PRTG: variants seen among roughly 807,000 people sequenced by gnomAD.
PRTG encodes the protein immunoglobulin superfamily, DCC subclass, member 5.
PRTG carries 67 observed loss-of-function variants against 122.5 expected under a neutral mutation model. The ratio of observed to expected loss-of-function variants is 0.55; its 90% CI spans 0.45 to 0.67. The LOEUF is 0.67. PRTG is among the 30% of genes least tolerant of loss of function. The pLI, the probability that PRTG is intolerant of heterozygous loss-of-function variation, is 0.00. For synonymous variants in PRTG, 554 were observed against 501.1 expected (o/e 1.11, Z -1.41); for missense variants, 1,435 against 1,415.4 (o/e 1.01, Z -0.22).
At chr15:55,739,958 G>A (rs1284644233) in intron 2 of PRTG, among the ~76,000 whole-genome samples, 6 of 152,224 alleles carry the variant, frequency 3.9e-5, no homozygotes, top group Non-Finnish European at 8.8e-5. Context: ...GGAAGCCTGT[G>A]CTATAAGAAA....
chr15:55,624,520 C>T lies in PRTG; in HGVS notation c.2928-13G>A. On this transcript the variant is annotated splice_polypyrimidine_tract_variant and intron_variant, in intron 17 of 19. Transcript: ENST00000389286. ...AGCAGATGATTTCCTAAAACATTGGCAAGAAGAGGAAGTCTTCTAATTTCA... is the reference window on the plus strand; with the variant it reads ...AGCAGATGATTTCCTAAAACATTGGTAAGAAGAGGAAGTCTTCTAATTTCA... 3 of 1,603,170 alleles carry T rather than the reference C, an allele frequency of 1.9e-6. No homozygotes were observed. Among genetic ancestry groups the T allele is most frequent in the Non-Finnish European group, 2.6e-6 (3 of 1,174,838 alleles).
At chr15:55,645,211 G>A (rs1014871016) in intron 11 of PRTG, among the ~76,000 whole-genome samples, 4 of 151,190 alleles carry the variant, frequency 2.6e-5, no homozygotes, top group African/African-American at 7.3e-5. Context: ...CGAGACGGGC[G>A]GATCACGAGG....
chr15:55,623,809 T>C (rs1028391775), intron 18 of PRTG, among the ~76,000 whole-genome samples: 4 of 152,206 alleles, frequency 2.6e-5, no homozygotes, highest in Non-Finnish European at 5.9e-5. Context: ...AGTAACTTCT[T>C]CCAATGGTGT....
rs2059160733 is a variant in PRTG at position 55,620,606 on chromosome 15, AATC to A, written c.3198+54_3198+56del. ...ATGAATTCACATTTTCCTCTTTTTA[AATC>A]ATCATTTCATATATCACGCATTGCC... On this transcript the variant is annotated intron_variant, in intron 19 of 19. Transcript: ENST00000389286. The A allele has an allele frequency of 9.1e-6, 14 of 1,534,146 alleles. 1 individual carries two copies. In the East Asian group the frequency reaches 1.1e-4, roughly 13 times the overall value.
chr15:55,683,056 C>T (rs28621834), intron 3 of PRTG, among the ~76,000 whole-genome samples: 3,681 of 152,248 alleles, frequency 0.024, 142 homozygotes, highest in African/African-American at 0.077. Context: ...TCGAATTTTA[C>T]AGAGTCTCAT....
At chr15:55,725,551 G>A (rs542225910) in intron 2 of PRTG, among the ~76,000 whole-genome samples, 15 of 151,706 alleles carry the variant, frequency 9.9e-5, no homozygotes, top group East Asian at 1.9e-4. Context: ...AGCCGTGATC[G>A]TGCTACTGCC....
At chr15:55,652,763 G>A (rs754364143) in intron 11 of PRTG, among the ~76,000 whole-genome samples, 1 of 152,134 alleles carries the variant, frequency 6.6e-6, no homozygotes, top group Non-Finnish European at 1.5e-5. Context: ...TTTGCACAAT[G>A]CGATCTGCCT....
chr15:55,735,718 T>TAAA (rs35182605), intron 2 of PRTG, among the ~76,000 whole-genome samples: 3,732 of 114,156 alleles, frequency 0.033, 91 homozygotes, highest in South Asian at 0.053. Flanking sequence ...CATGCTTTGC[T>TAAA]AAAAAAAAAA....
intron 11 of PRTG, among the ~76,000 whole-genome samples, chr15:55,653,133 T>C (rs895243634): frequency 6.6e-6 from 1 of 152,212 alleles, no homozygotes; most frequent in Admixed American, 6.5e-5. Context: ...TATAAATTTG[T>C]TGTATGATAA....
rs1436976903 is a variant in PRTG at position 55,740,651 on chromosome 15, T to C, written c.128A>G (p.Lys43Arg). 5 of 1,613,696 alleles carry C rather than the reference T, an allele frequency of 3.1e-6. No individual in the cohort carries two copies. The highest frequency in any genetic ancestry group is 2.7e-5 in the African/African-American group (2 of 74,814). The part of the protein sequence containing the change: ...VWCFSELSFV[K>R]EPQDVTVTRK... ...TGTGACAGTTACATCCTGTGGTTCTTTTACAAAAGACAGTTCGCTAAAGCA... is the reference window on the plus strand; with the variant it reads ...TGTGACAGTTACATCCTGTGGTTCTCTTACAAAAGACAGTTCGCTAAAGCA... Residue 43 changes from lysine (K) to arginine (R), a missense_variant, in exon 2 of 20, where the codon AAA (lysine) becomes AGA (arginine). Transcript: ENST00000389286.
Position 55,637,024 on chromosome 15 carries a change from G to T in PRTG, c.2623+146C>A, listed in dbSNP as rs766156766. On this transcript the variant is annotated intron_variant, in intron 15 of 19. Coordinates refer to ENST00000389286, the MANE Select transcript of PRTG (RefSeq NM_173814.6). ...TCTTAAAATTGGTGGATGGCTTCCC[G>T]ATGCCCTTTGAACAAAGCCAAAATC... 7.0e-6 allele frequency: 4 copies of T among 573,308 alleles called. No homozygotes were observed. In the East Asian group the frequency reaches 1.3e-4, roughly 18 times the overall value. 35.5% of individuals were successfully genotyped at this position (573,308 alleles called of 1,614,324 possible).
chr15:55,621,412 C>T (rs2059165490), intron 18 of PRTG, among the ~76,000 whole-genome samples: 1 of 151,646 alleles, frequency 6.6e-6, no homozygotes, highest in South Asian at 2.1e-4. Context: ...AATCCCAGTA[C>T]TTTGAGAGGC....
chr15:55,673,698 T>C, intron 9 of PRTG, 22 bp from the exon 10 acceptor site: 1 of 1,597,108 alleles, frequency 6.3e-7, no homozygotes, highest in African/African-American at 1.3e-5. Flanking sequence ...AGAAATCAGG[T>C]TGTTTATAAA....
chr15:55,736,051 A>G (rs1229777795), intron 2 of PRTG, among the ~76,000 whole-genome samples: 1 of 152,190 alleles, frequency 6.6e-6, no homozygotes, highest in Non-Finnish European at 1.5e-5. Context: ...GATCCCAGAA[A>G]ACATCAACTG....
chr15:55,629,375 ATGTGTGTG>A (rs59080250), intron 15 of PRTG, among the ~76,000 whole-genome samples: 863 of 47,760 alleles, frequency 0.018, 3 homozygotes, highest in Middle Eastern at 0.05. Context: ...ATATATATAT[ATGTGTGTG>A]TGTGTGTGTG....
intron 2 of PRTG, among the ~76,000 whole-genome samples, chr15:55,722,223 A>G (rs573326122): frequency 6.6e-6 from 1 of 152,334 alleles, no homozygotes; most frequent in South Asian, 2.1e-4. Flanking sequence ...TAAAAGTTGG[A>G]AGAAATACCA....
chr15:55,625,843 G>C (rs1299889113), intron 17 of PRTG, among the ~76,000 whole-genome samples: 1 of 151,940 alleles, frequency 6.6e-6, no homozygotes, highest in Non-Finnish European at 1.5e-5. Flanking sequence ...GGCTGGTCTT[G>C]AACTCCCGAC....
At chr15:55,641,090 A>C in intron 12 of PRTG, 23 bp downstream of exon 12, 6 of 1,547,122 alleles carry the variant, frequency 3.9e-6, no homozygotes, top group Non-Finnish European at 5.4e-6. Flanking sequence ...ATAGTAAAAC[A>C]AACTGCCATG....
chr15:55,663,519 C>T (rs757575431), intron 11 of PRTG, among the ~76,000 whole-genome samples: 6 of 151,642 alleles, frequency 4.0e-5, no homozygotes, highest in Admixed American at 6.6e-5. Flanking sequence ...ATCACTGATA[C>T]GTTTTCCATC....
Sources: allele counts gnomAD v4.1 joint callset (sites outside exome capture counted in the v4.1 genomes callset), GRCh38; gene constraint gnomAD v4.1.1; transcripts MANE v1.5; gene names NCBI Gene and HGNC (gene_info 2026-07-23, HGNC 2026-07-21).